The following TENM3 variants were observed in gnomAD, a reference collection of about 807,000 sequenced individuals.
TENM3 encodes teneurin-3.
Under a neutral mutation model 255.1 loss-of-function variants are expected in TENM3, and 63 were observed. That is an observed-to-expected ratio of 0.25 (90% CI 0.20 to 0.30). The LOEUF (loss-of-function observed/expected upper bound fraction) is 0.30. Ranked by LOEUF, TENM3 falls within the 10% of genes least tolerant of loss-of-function variation. The pLI is 1.00. For synonymous variants in TENM3, 1,306 were observed against 1,322.3 expected (o/e 0.99, Z 0.27); for missense variants, 2,929 against 3,461.1 (o/e 0.85, Z 3.86).
chr4:182,465,939 C>T (rs990187455), intron 3 of TENM3, among the ~76,000 whole-genome samples: 3 of 151,968 alleles, frequency 2.0e-5, no homozygotes, highest in Non-Finnish European at 4.4e-5. Flanking sequence ...GGCCAAAGTA[C>T]ACCCAAGTCT....
the TENM3 span, among the ~76,000 whole-genome samples, chr4:182,002,339 AGCTT>A: frequency 6.6e-6 from 1 of 152,070 alleles, no homozygotes; most frequent in Non-Finnish European, 1.5e-5. Context: ...AGAGAGAAAG[AGCTT>A]CTCCCTTTAG....
chr4:182,393,383 A>T (rs1768573162), intron 3 of TENM3, among the ~76,000 whole-genome samples: 1 of 152,234 alleles, frequency 6.6e-6, no homozygotes, highest in South Asian at 2.1e-4. Flanking sequence ...AGACATACAT[A>T]CACAGAGATA....
At chr4:181,796,346 C>T in the TENM3 span, among the ~76,000 whole-genome samples, 1 of 152,158 alleles carries the variant, frequency 6.6e-6, no homozygotes, top group African/African-American at 2.4e-5. Context: ...GAAAGGGACA[C>T]ATACTGCTGG....
chr4:181,656,461 C>T, the TENM3 span, among the ~76,000 whole-genome samples: 1 of 152,186 alleles, frequency 6.6e-6, no homozygotes, highest in Admixed American at 6.5e-5. Flanking sequence ...AAAGGAAGTG[C>T]GATTTGGCGG....
At chr4:181,636,089 A>C in the TENM3 span, among the ~76,000 whole-genome samples, 1 of 152,092 alleles carries the variant, frequency 6.6e-6, no homozygotes, top group East Asian at 1.9e-4. Flanking sequence ...TCTGTCATTC[A>C]GGCTGGAGTG....
At chr4:182,608,972 T>G (rs1032380399) in intron 4 of TENM3, among the ~76,000 whole-genome samples, 6 of 152,032 alleles carry the variant, frequency 3.9e-5, no homozygotes, top group Non-Finnish European at 5.9e-5. Flanking sequence ...TAGGTAGTAG[T>G]CGTGGGTGGC....
At chr4:181,688,365 T>G in the TENM3 span, among the ~76,000 whole-genome samples, 1 of 152,196 alleles carries the variant, frequency 6.6e-6, no homozygotes, top group Admixed American at 6.5e-5. Flanking sequence ...ATTTGATTTT[T>G]TTATAGCAAT....
At chr4:181,588,703 G>A in the TENM3 span, among the ~76,000 whole-genome samples, 19 of 152,262 alleles carry the variant, frequency 1.2e-4, no homozygotes, top group South Asian at 1.5e-3. Flanking sequence ...TAAAAGAAAC[G>A]TAGAAGAAAA....
chr4:181,719,860 A>G, the TENM3 span, among the ~76,000 whole-genome samples: 1 of 152,176 alleles, frequency 6.6e-6, no homozygotes, highest in African/African-American at 2.4e-5. Flanking sequence ...GACTCTGTAA[A>G]TACCTCTGGG....
chr4:181,749,295 T>A, the TENM3 span, among the ~76,000 whole-genome samples: 1 of 152,038 alleles, frequency 6.6e-6, no homozygotes, highest in Non-Finnish European at 1.5e-5. Context: ...GAAAAATGCA[T>A]CTTGCAGAAA....
the TENM3 span, among the ~76,000 whole-genome samples, chr4:181,855,757 A>C: frequency 6.6e-6 from 1 of 151,954 alleles, no homozygotes; most frequent in East Asian, 1.9e-4. Context: ...TCATATTAAT[A>C]GTTGTATATC....
the TENM3 span, among the ~76,000 whole-genome samples, chr4:181,925,015 G>A: frequency 1.1e-4 from 17 of 152,226 alleles, no homozygotes; most frequent in East Asian, 1.5e-3. Flanking sequence ...TAGTATTTTC[G>A]GTAAGTGTGT....
At chr4:181,641,001 A>G in the TENM3 span, among the ~76,000 whole-genome samples, 1 of 152,240 alleles carries the variant, frequency 6.6e-6, no homozygotes, top group Admixed American at 6.5e-5. Context: ...GCATGACAAC[A>G]TAAACTTGAA....
the TENM3 span, among the ~76,000 whole-genome samples, chr4:182,022,946 T>C: frequency 6.6e-6 from 1 of 152,232 alleles, no homozygotes; most frequent in Non-Finnish European, 1.5e-5. Flanking sequence ...AAAAAACGCC[T>C]TCCAGCTTAT....
intron 3 of TENM3, among the ~76,000 whole-genome samples, chr4:182,467,326 A>C (rs1732693342): frequency 1.3e-5 from 2 of 152,164 alleles, no homozygotes; most frequent in African/African-American, 4.8e-5. Context: ...TATGATTGTC[A>C]ACAAAGCTGA....
intron 1 of TENM3, among the ~76,000 whole-genome samples, chr4:182,307,375 A>T (rs1404524966): frequency 6.6e-6 from 1 of 152,214 alleles, no homozygotes; most frequent in Non-Finnish European, 1.5e-5. Context: ...ACCAAAAATT[A>T]TATGAGCACA....
At chr4:182,681,340 A>G (rs891223051) in intron 10 of TENM3, among the ~76,000 whole-genome samples, 2 of 152,238 alleles carry the variant, frequency 1.3e-5, no homozygotes, top group African/African-American at 4.8e-5. Context: ...CTACAAGTGT[A>G]AAGTTTTATT....
chr4:181,607,413 A>ATTTTTT, the TENM3 span, among the ~76,000 whole-genome samples: 1 of 147,548 alleles, frequency 6.8e-6, no homozygotes, highest in Non-Finnish European at 1.5e-5. Context: ...TTGGCATTTA[A>ATTTTTT]TTTTTTTTTT....
At chr4:182,524,389 T>G (rs1738915117) in intron 3 of TENM3, among the ~76,000 whole-genome samples, 1 of 134,798 alleles carries the variant, frequency 7.4e-6, no homozygotes, top group Non-Finnish European at 1.5e-5. Flanking sequence ...TGAGTCAGAG[T>G]CTCTCTCTGT....
Sources: gnomAD v4.1 joint callset for allele counts (sites outside exome capture counted in the v4.1 genomes callset) on GRCh38, gnomAD v4.1.1 for gene constraint, MANE v1.5 for transcripts, NCBI Gene and HGNC (gene_info 2026-07-23, HGNC 2026-07-21) for gene names.